Variants in FAM241A observed in about 807,000 individuals in gnomAD.
The protein encoded by FAM241A is uncharacterized protein FAM241A.
FAM241A carries 7 observed loss-of-function variants against 12.2 expected under a neutral mutation model. The ratio of observed to expected loss-of-function variants is 0.58; its 90% CI spans 0.33 to 1.08. The LOEUF is 1.08. FAM241A is among the 50% of genes least tolerant of loss of function. The pLI is 0.04. For synonymous variants in FAM241A, 74 were observed against 68.2 expected, an observed-to-expected ratio of 1.08 and a Z score of -0.42; for missense variants, 161 against 169.7, an observed-to-expected ratio of 0.95 and a Z score of 0.29.
intron 1 of FAM241A, among the ~76,000 whole-genome samples, chr4:112,181,950 G>C (rs1723950745): frequency 6.6e-6 from 1 of 152,178 alleles, no homozygotes; most frequent in Non-Finnish European, 1.5e-5. Context: ...ATAGATTATA[G>C]GGGAGCTAAT....
At position 112,162,804 on chromosome 4, in the gene FAM241A, C is replaced by A. The variant is rs562877055; in HGVS notation, c.153+17071C>A. Among the ~76,000 whole-genome samples the A allele has an allele frequency of 7.9e-4, 120 of 152,152 alleles. 1 individual carries two copies. The highest frequency in any genetic ancestry group is 7.5e-3 in the East Asian group (39 of 5,176). On this transcript the variant is annotated intron_variant, in intron 1 of 1. Transcript: ENST00000309733. ...TGACTTTCTTCACAGAATTGGAAGA[C>A]ACTACTTTAAAGTTCATATGGAACC...
chr4:112,168,443 G>A (rs1723645293), intron 1 of FAM241A, among the ~76,000 whole-genome samples: 1 of 152,112 alleles, frequency 6.6e-6, no homozygotes, highest in Admixed American at 6.5e-5. Flanking sequence ...TTGACAAAAA[G>A]TGAAGTATAT....
chr4:112,177,272 TG>T (rs5861087), intron 1 of FAM241A, among the ~76,000 whole-genome samples: 13,402 of 152,190 alleles, frequency 0.088, 699 homozygotes, highest in South Asian at 0.13. Context: ...CTGTGTAAAA[TG>T]TATTCATTCT....
chr4:112,170,527 G>A (rs112851879), intron 1 of FAM241A, among the ~76,000 whole-genome samples: 3 of 151,972 alleles, frequency 2.0e-5, no homozygotes, highest in Non-Finnish European at 2.9e-5. Context: ...GTGATCTGTC[G>A]ATCTGATAAT....
chr4:112,151,561 A>G (rs943652184), intron 1 of FAM241A, among the ~76,000 whole-genome samples: 57 of 152,314 alleles, frequency 3.7e-4, no homozygotes, highest in African/African-American at 1.2e-3. Context: ...GAGATTTTGC[A>G]TCTCTACAAA....
At chr4:112,146,054 C>A (rs1723130885) in intron 1 of FAM241A, among the ~76,000 whole-genome samples, 1 of 152,160 alleles carries the variant, frequency 6.6e-6, no homozygotes, top group African/African-American at 2.4e-5. Context: ...CCCTCCATAG[C>A]GGTGATTTAT....
At chr4:112,177,297 G>C (rs1183157064) in intron 1 of FAM241A, among the ~76,000 whole-genome samples, 1 of 152,136 alleles carries the variant, frequency 6.6e-6, no homozygotes, top group Non-Finnish European at 1.5e-5. Context: ...TAAAATGAAA[G>C]TGTATTTATA....
chr4:112,186,687 TTA>T lies in FAM241A; in HGVS notation c.154-5_154-4del. Reference sequence around the variant, plus strand: ...TCATGTTTTGTCTTTTTTTTTTTTTTTAAAGGATGTTGAAGACTCACAGAACC... The same window carrying T: ...TCATGTTTTGTCTTTTTTTTTTTTTTAAGGATGTTGAAGACTCACAGAACC... On this transcript the variant is annotated splice_region_variant and splice_polypyrimidine_tract_variant and intron_variant, in intron 1 of 1. Coordinates refer to ENST00000309733, the MANE Select transcript of FAM241A (RefSeq NM_152400.3). 1.3e-6 allele frequency: 2 copies of T among 1,579,934 alleles called. No individual in the cohort carries two copies. Among genetic ancestry groups the T allele is most frequent in the Non-Finnish European group, 1.7e-6 (2 of 1,168,592 alleles).
chr4:112,161,197 T>C (rs1046828263), intron 1 of FAM241A, among the ~76,000 whole-genome samples: 23 of 151,984 alleles, frequency 1.5e-4, no homozygotes, highest in African/African-American at 5.6e-4. Context: ...TAAATGCCCA[T>C]AAGAGAAAGC....
At position 112,186,841 on chromosome 4, in the gene FAM241A, T is replaced by C. The variant is rs1390861714; in HGVS notation, c.302T>C (p.Ile101Thr). The C allele has an allele frequency of 1.9e-6, 3 of 1,614,116 alleles. No individual in the cohort carries two copies. The highest frequency in any genetic ancestry group is 2.5e-6 in the Non-Finnish European group (3 of 1,179,998). Residue 101 changes from isoleucine (I) to threonine (T), a missense_variant, in exon 2 of 2, where the codon ATA (isoleucine) becomes ACA (threonine). Transcript: ENST00000309733. ...GGAGAACGAATAGTGGAACCAGTAA[T>C]AGTCATTTTCTTTTGGGTTATGCTG... ...YFGERIVEPV[I>T]VIFFWVMLWF...
intron 1 of FAM241A, among the ~76,000 whole-genome samples, chr4:112,160,261 A>G (rs1002508137): frequency 2.6e-5 from 4 of 152,066 alleles, no homozygotes; most frequent in African/African-American, 9.7e-5. Context: ...TACAAAAATT[A>G]GCTGGGCATG....
intron 1 of FAM241A, among the ~76,000 whole-genome samples, chr4:112,149,996 G>C (rs1366891727): frequency 6.6e-6 from 1 of 151,876 alleles, no homozygotes; most frequent in Non-Finnish European, 1.5e-5. Flanking sequence ...CCACTCACAT[G>C]TATACACGTA....
intron 1 of FAM241A, among the ~76,000 whole-genome samples, chr4:112,152,278 A>G (rs1260117939): frequency 1.3e-5 from 2 of 152,178 alleles, no homozygotes; most frequent in Admixed American, 1.3e-4. Flanking sequence ...CTGACATCTA[A>G]TAGGAAAAGG....
chr4:112,169,975 T>C (rs944018924), intron 1 of FAM241A, among the ~76,000 whole-genome samples: 3 of 152,204 alleles, frequency 2.0e-5, no homozygotes, highest in African/African-American at 7.2e-5. Flanking sequence ...CAAAAAGCCT[T>C]TTTTTGGAGA....
In FAM241A at chr4:112,189,656, G is replaced by A. The variant is rs577334088; in HGVS notation, c.*2718G>A. ...TCATACCTTAAGCTGTCATGGGCAAGGTATTTTCCCATTCCTGGCTACAGG... is the reference window on the plus strand; with the variant it reads ...TCATACCTTAAGCTGTCATGGGCAAAGTATTTTCCCATTCCTGGCTACAGG... On this transcript the variant is annotated 3_prime_UTR_variant, in exon 2 of 2. Coordinates refer to ENST00000309733, the MANE Select transcript of FAM241A (RefSeq NM_152400.3). 6.6e-6 allele frequency: 1 copy of A among 152,256 alleles called. No homozygotes were observed. Among genetic ancestry groups the A allele is most frequent in the South Asian group, 2.1e-4 (1 of 4,826 alleles). 9.4% of individuals were successfully genotyped at this position (152,256 alleles called of 1,614,324 possible).
intron 1 of FAM241A, among the ~76,000 whole-genome samples, chr4:112,157,245 C>G (rs1225340138): frequency 6.6e-6 from 1 of 152,094 alleles, no homozygotes; most frequent in African/African-American, 2.4e-5. Context: ...CTGGCTTTTT[C>G]CACAGGCAGA....
At position 112,191,186 on chromosome 4, in the gene FAM241A, C is replaced by T. The variant is rs1578382836; in HGVS notation, c.*4248C>T. On this transcript the variant is annotated 3_prime_UTR_variant, in exon 2 of 2. Coordinates refer to ENST00000309733, the MANE Select transcript of FAM241A (RefSeq NM_152400.3). ...GGAGTTGTAGATGACATCCTTGACT[C>T]TGTGTTTCCTACACTACCTACATGT... 1 of 143,564 alleles carries T rather than the reference C, an allele frequency of 7.0e-6. No homozygotes were observed. Among genetic ancestry groups the T allele is most frequent in the Non-Finnish European group, 1.5e-5 (1 of 67,546 alleles). The allele number at this position is 143,564 out of a possible 1,614,324, so 8.9% of individuals were successfully genotyped here. A position where few individuals can be genotyped will look rare whatever the true frequency, so the allele number is the denominator to read the frequency against.
intron 1 of FAM241A, among the ~76,000 whole-genome samples, chr4:112,164,481 G>T (rs1386433831): frequency 2.1e-5 from 3 of 141,104 alleles, no homozygotes; most frequent in Non-Finnish European, 4.9e-5. Flanking sequence ...ATAGCATTAG[G>T]AGATACACCT....
intron 1 of FAM241A, among the ~76,000 whole-genome samples, chr4:112,157,040 A>G (rs896392486): frequency 1.3e-5 from 2 of 152,194 alleles, no homozygotes; most frequent in African/African-American, 2.4e-5. Context: ...AGCCATTTCA[A>G]TTGTGACAAT....
Sources: allele counts gnomAD v4.1 joint callset (sites outside exome capture counted in the v4.1 genomes callset), GRCh38; gene constraint gnomAD v4.1.1; transcripts MANE v1.5; gene names NCBI Gene and HGNC (gene_info 2026-07-23, HGNC 2026-07-21).